PDE1A: variants seen among roughly 807,000 people sequenced by gnomAD.
The protein encoded by PDE1A is phosphodiesterase 1A.
PDE1A carries 35 observed loss-of-function variants against 61.7 expected under a neutral mutation model. The ratio of observed to expected loss-of-function variants is 0.57; its 90% CI spans 0.43 to 0.75. The LOEUF is 0.75. PDE1A is among the 30% of genes least tolerant of loss of function. The pLI is 0.00. For missense variants in PDE1A, 597 were observed against 630.6 expected (o/e 0.95, Z 0.57); for synonymous variants, 232 against 213.2 (o/e 1.09, Z -0.77).
intron 2 of PDE1A, among the ~76,000 whole-genome samples, chr2:182,460,487 C>T (rs1039471002): frequency 2.0e-5 from 3 of 152,168 alleles, no homozygotes; most frequent in African/African-American, 7.2e-5. Flanking sequence ...AATCCTCCTG[C>T]TTCAGCCTCC....
chr2:182,527,351 T>C (rs1355916569), upstream of PDE1A, among the ~76,000 whole-genome samples: 12 of 79,836 alleles, frequency 1.5e-4, 1 homozygote, highest in African/African-American at 3.8e-4. Context: ...TATATATATA[T>C]ATATATATAT....
At chr2:182,169,800 C>CA (rs1691969210) in intron 13 of PDE1A, among the ~76,000 whole-genome samples, 1 of 151,782 alleles carries the variant, frequency 6.6e-6, no homozygotes, top group Non-Finnish European at 1.5e-5. Context: ...TTATCATCAC[C>CA]AAGCCAGCTA....
chr2:182,338,060 T>C (rs1225280254), intron 1 of PDE1A, among the ~76,000 whole-genome samples: 1 of 152,194 alleles, frequency 6.6e-6, no homozygotes, highest in Non-Finnish European at 1.5e-5. Flanking sequence ...GATTAAAATA[T>C]TCTAATGCCA....
At chr2:182,153,671 T>A (rs146149720) in intron 13 of PDE1A, among the ~76,000 whole-genome samples, 1,679 of 152,228 alleles carry the variant, frequency 0.011, 14 homozygotes, top group Non-Finnish European at 0.017. Context: ...TCTGGAGTGG[T>A]GAAGTTAAGA....
At chr2:182,355,963 T>A (rs1266860737) in intron 1 of PDE1A, among the ~76,000 whole-genome samples, 1 of 152,228 alleles carries the variant, frequency 6.6e-6, no homozygotes, top group African/African-American at 2.4e-5. Flanking sequence ...GTTTATATTC[T>A]AGAATAGGAA....
chr2:182,527,825 A>G (rs2125996938), upstream of PDE1A, among the ~76,000 whole-genome samples: 1 of 152,142 alleles, frequency 6.6e-6, no homozygotes, highest in South Asian at 2.1e-4. Flanking sequence ...GTTGTAGTGA[A>G]TAAGTCTCAT....
At chr2:182,315,531 T>C (rs1246113819) in intron 1 of PDE1A, among the ~76,000 whole-genome samples, 2 of 152,144 alleles carry the variant, frequency 1.3e-5, no homozygotes, top group Admixed American at 6.6e-5. Context: ...CATGTATTGG[T>C]TGAAAAAAGA....
chr2:182,378,190 T>A (rs1334104156), intron 1 of PDE1A, among the ~76,000 whole-genome samples: 2 of 152,142 alleles, frequency 1.3e-5, no homozygotes, highest in Admixed American at 1.3e-4. Flanking sequence ...CAAAACAACA[T>A]GAATTATCTC....
chr2:182,355,015 G>C (rs1428431920), intron 1 of PDE1A, among the ~76,000 whole-genome samples: 2 of 152,054 alleles, frequency 1.3e-5, no homozygotes, highest in Non-Finnish European at 2.9e-5. Flanking sequence ...TGTATTTGAA[G>C]TGTTAATGCA....
intron 2 of PDE1A, among the ~76,000 whole-genome samples, chr2:182,502,372 G>A (rs1310333246): frequency 6.6e-6 from 1 of 151,944 alleles, no homozygotes; most frequent in Non-Finnish European, 1.5e-5. Context: ...CTGTATCTGT[G>A]TCTCCATTGT....
chr2:182,534,224 A>G, the PDE1A span, among the ~76,000 whole-genome samples: 7 of 152,130 alleles, frequency 4.6e-5, no homozygotes, highest in African/African-American at 1.2e-4. Flanking sequence ...TGCATAGTAT[A>G]CCATCATTTG....
At chr2:182,185,971 C>T (rs1685167733) in exon 13 of PDE1A, 3 of 1,614,058 alleles carry the variant, frequency 1.9e-6, no homozygotes, top group Non-Finnish European at 2.5e-6. Flanking sequence ...TCTTCAGGTC[C>T]ACTGCTGCAA....
At chr2:182,279,225 G>A (rs917537458) in intron 1 of PDE1A, among the ~76,000 whole-genome samples, 5 of 151,776 alleles carry the variant, frequency 3.3e-5, no homozygotes, top group African/African-American at 9.7e-5. Flanking sequence ...TTTCAACAAC[G>A]GTCTGTAGTA....
chr2:182,425,251 G>A (rs907387796), intron 1 of PDE1A, among the ~76,000 whole-genome samples: 9 of 152,298 alleles, frequency 5.9e-5, no homozygotes, highest in African/African-American at 1.7e-4. Context: ...CCTCACTGGT[G>A]TTGAGTTTAG....
chr2:182,502,338 GTGTGTGTC>G (rs899664737), intron 2 of PDE1A, among the ~76,000 whole-genome samples: 3 of 151,910 alleles, frequency 2.0e-5, no homozygotes, highest in Admixed American at 6.6e-5. Flanking sequence ...GTGTGTTTGT[GTGTGTGTC>G]TGTGTGTCTG....
intron 1 of PDE1A, 38 bp downstream of exon 1, chr2:182,426,540 G>T: frequency 7.3e-7 from 1 of 1,369,970 alleles, no homozygotes; most frequent in Non-Finnish European, 1.0e-6. Context: ...TATTGTTCCT[G>T]ACAGCCCTAG....
chr2:182,523,164 C>G (rs926185229), upstream of PDE1A: 1 of 152,104 alleles, frequency 6.6e-6, no homozygotes, highest in Non-Finnish European at 1.5e-5. Context: ...AATACGGCAG[C>G]TGCACACAGC....
In PDE1A at chr2:182,482,965, A is replaced by G. The variant is rs546078635; in HGVS notation, c.101+39311T>C. Among the ~76,000 whole-genome samples, 10 of 152,126 alleles carry G rather than the reference A, an allele frequency of 6.6e-5. No homozygotes were observed. In the South Asian group the frequency reaches 2.1e-3, roughly 31 times the overall value. On this transcript the variant is annotated intron_variant, in intron 2 of 14. Transcript: ENST00000410103. Reference sequence around the variant, plus strand: ...TCTATAAGAGATACACTTTAGATACAGACATAAACAGGTGAAAATAAAAGG... The same window carrying G: ...TCTATAAGAGATACACTTTAGATACGGACATAAACAGGTGAAAATAAAAGG...
At chr2:182,533,044 G>C in the PDE1A span, among the ~76,000 whole-genome samples, 1 of 151,740 alleles carries the variant, frequency 6.6e-6, no homozygotes, top group South Asian at 2.1e-4. Context: ...GCCAGGCGCG[G>C]CTCAGTCCTG....
Sources: gnomAD v4.1 joint callset for allele counts (sites outside exome capture counted in the v4.1 genomes callset) on GRCh38, gnomAD v4.1.1 for gene constraint, MANE v1.5 for transcripts, NCBI Gene and HGNC (gene_info 2026-07-23, HGNC 2026-07-21) for gene names.